Variants in MYOM1 observed in about 807,000 individuals in gnomAD.
MYOM1 encodes myomesin 1.
In MYOM1, 164 loss-of-function variants were observed where a neutral mutation model predicts 205.3. That is an observed-to-expected ratio of 0.80 (90% CI 0.70 to 0.91). The LOEUF is 0.91. Ranked by LOEUF, MYOM1 falls within the 40% of genes least tolerant of loss-of-function variation. The pLI, the probability that MYOM1 is intolerant of heterozygous loss-of-function variation, is 0.00. For synonymous variants in MYOM1, 772 were observed against 789.4 expected (o/e 0.98, Z 0.37); for missense variants, 2,011 against 2,127.3 (o/e 0.95, Z 1.08).
intron 34 of MYOM1, among the ~76,000 whole-genome samples, chr18:3,076,696 G>C (rs936782619): frequency 6.7e-6 from 1 of 150,134 alleles, no homozygotes; most frequent in African/African-American, 2.5e-5. Context: ...AAGCCACTTT[G>C]ATTAAAGATT....
At position 3,067,373 on chromosome 18, in the gene MYOM1, C is replaced by T; in HGVS notation, c.4947G>A (p.Lys1649=). The part of the protein sequence containing the change: ...ADSGKYGLVV[K]NKYGSETSDF... ...CGCTGGTCTCCGAGCCATACTTGTT[C>T]TTCACAACCAGCCCGTATTTGCCCG... Residue 1649 remains lysine (K), a synonymous_variant, in exon 38 of 38, where the codon AAG becomes AAA. Coordinates refer to ENST00000356443, the MANE Select transcript of MYOM1 (RefSeq NM_003803.4). The T allele has an allele frequency of 6.2e-7, 1 of 1,613,056 alleles. No individual in the cohort carries two copies. Among genetic ancestry groups the T allele is most frequent in the Non-Finnish European group, 8.5e-7 (1 of 1,179,908 alleles).
At chr18:3,235,905 T>A in the MYOM1 span, among the ~76,000 whole-genome samples, 1 of 152,196 alleles carries the variant, frequency 6.6e-6, no homozygotes, top group Non-Finnish European at 1.5e-5. Flanking sequence ...TAGTGAAGAA[T>A]CTGAAGAAAG....
rs183881662 is a variant in MYOM1, at chr18:3,135,618, C to T, written c.2138G>A (p.Arg713His). The T allele has an allele frequency of 4.9e-5, 79 of 1,613,858 alleles. No homozygotes were observed. Among genetic ancestry groups the T allele is most frequent in the African/African-American group, 1.7e-4 (13 of 75,008 alleles). Residue 713 changes from arginine (R) to histidine (H), a missense_variant, in exon 15 of 38, where the codon CGC (arginine) becomes CAC (histidine). Transcript: ENST00000356443. This position sits in a 1 kb window ranked among gnomAD's most constrained non-coding sequence, Gnocchi z 4.1. ...ACCAACTCCTGCAGAATTAGAACAG[C>T]GGACACGGAAACAGTAGGATTTCCC... ...AEGKSYCFRVRCSNSAGVGEP... is the reference protein window; with the variant it reads ...AEGKSYCFRVHCSNSAGVGEP...
chr18:3,067,539 C>T lies in MYOM1; in HGVS notation c.4781G>A (p.Cys1594Tyr). ...IQEGKALNLT[C>Y]NVWGDPPPEV... The stretch of plus-strand genomic sequence containing the variant: ...CGGAGGCGGGTCTCCCCACACGTTG[C>T]AAGTGAGATTAAGGGCCTGCAAGAC... Residue 1594 changes from cysteine (C) to tyrosine (Y), a missense_variant, in exon 38 of 38, where the codon TGC becomes TAC. Coordinates refer to ENST00000356443, the MANE Select transcript of MYOM1 (RefSeq NM_003803.4). 1 of 1,613,284 alleles carries T rather than the reference C, an allele frequency of 6.2e-7. No individual in the cohort carries two copies. Among genetic ancestry groups the T allele is most frequent in the Non-Finnish European group, 8.5e-7 (1 of 1,179,456 alleles).
chr18:3,128,928 C>A (rs1327028470), intron 18 of MYOM1, among the ~76,000 whole-genome samples: 1 of 152,196 alleles, frequency 6.6e-6, no homozygotes, highest in Non-Finnish European at 1.5e-5. Context: ...ACATCGAATT[C>A]TCTTAGCAAA....
chr18:3,231,534 C>CTT, the MYOM1 span, among the ~76,000 whole-genome samples: 6,200 of 120,126 alleles, frequency 0.052, 236 homozygotes, highest in Non-Finnish European at 0.062. Flanking sequence ...AATATGCATC[C>CTT]TTTTTTTTTT....
At chr18:3,199,743 G>A (rs1405164901) in intron 2 of MYOM1, among the ~76,000 whole-genome samples, 1 of 152,174 alleles carries the variant, frequency 6.6e-6, no homozygotes, top group Non-Finnish European at 1.5e-5. Context: ...TAGAGGCTGA[G>A]GCAGGAGAAT....
At chr18:3,217,530 G>A (rs1433614077) in intron 1 of MYOM1, among the ~76,000 whole-genome samples, 1 of 152,168 alleles carries the variant, frequency 6.6e-6, no homozygotes, top group Non-Finnish European at 1.5e-5. Flanking sequence ...GTGGGAAGCT[G>A]GATACATGAC....
chr18:3,105,022 T>A (rs944812868), intron 22 of MYOM1, among the ~76,000 whole-genome samples: 1 of 152,134 alleles, frequency 6.6e-6, no homozygotes, highest in African/African-American at 2.4e-5. Context: ...GTGCTGGGAT[T>A]ACAGACATGA....
intron 6 of MYOM1, 33 bp from the exon 7 acceptor site, chr18:3,174,241 T>C: frequency 1.9e-6 from 3 of 1,575,478 alleles, no homozygotes; most frequent in South Asian, 1.1e-5. Flanking sequence ...ATATCCATCG[T>C]AGTGACAATC....
the MYOM1 span, among the ~76,000 whole-genome samples, chr18:3,239,776 A>G: frequency 2.0e-5 from 3 of 150,196 alleles, no homozygotes; most frequent in African/African-American, 7.5e-5. Context: ...AAAAAAAAAA[A>G]AAAAAAAGAA....
chr18:3,082,574 A>G (rs2079096804), intron 33 of MYOM1, among the ~76,000 whole-genome samples: 1 of 152,160 alleles, frequency 6.6e-6, no homozygotes, highest in African/African-American at 2.4e-5. Context: ...CCTTCTTCTC[A>G]GTGGGGCTCC....
intron 16 of MYOM1, among the ~76,000 whole-genome samples, chr18:3,132,019 GTAT>G (rs1357694393): frequency 3.6e-5 from 5 of 137,034 alleles, no homozygotes; most frequent in Non-Finnish European, 6.3e-5. Flanking sequence ...AAAATTATTA[GTAT>G]TAATATTATT....
rs575126943 is a variant in MYOM1 at position 3,197,730 on chromosome 18, G to A, written c.291-3772C>T. Reference sequence around the variant, plus strand: ...TTACTAAAAATACAAAAAATTAGCTGGGCATGGTGGCAGGCGCCTGTGGTC... The same window carrying A: ...TTACTAAAAATACAAAAAATTAGCTAGGCATGGTGGCAGGCGCCTGTGGTC... On this transcript the variant is annotated intron_variant, in intron 2 of 37. Transcript: ENST00000356443. 6.3e-3 allele frequency among the ~76,000 whole-genome samples: 950 copies of A among 150,522 alleles called. 18 individuals are homozygous for A. The highest frequency in any genetic ancestry group is 0.021 in the African/African-American group (852 of 40,022).
At chr18:3,188,692 C>CA in intron 4 of MYOM1, 56 bp downstream of exon 4, 3 of 1,413,698 alleles carry the variant, frequency 2.1e-6, no homozygotes, top group Non-Finnish European at 2.8e-6. Context: ...CACACACACA[C>CA]CCCTTATGAC....
In MYOM1 at chr18:3,151,733, C is replaced by T. The variant is rs1304662771; in HGVS notation, c.1804G>A (p.Val602Met). 5.6e-6 allele frequency: 9 copies of T among 1,613,748 alleles called. No individual in the cohort carries two copies. Among genetic ancestry groups the T allele is most frequent in the South Asian group, 1.1e-5 (1 of 91,048 alleles). Residue 602 changes from valine (V) to methionine (M), a missense_variant, in exon 12 of 38, where the codon GTG becomes ATG. Coordinates refer to ENST00000356443, the MANE Select transcript of MYOM1 (RefSeq NM_003803.4). ...TTCTCAGCCGGATCCAGAGCAGCCA[C>T]GGGCTCGGAAACTCGAGATGGGAAA... ...IGFPSRVSEP[V>M]AALDPAEKAR...
In MYOM1 at chr18:3,209,634, G is replaced by A. The variant is rs1199243094; in HGVS notation, c.290+5300C>T. Among the ~76,000 whole-genome samples the A allele has an allele frequency of 6.6e-6, 1 of 152,168 alleles. No individual in the cohort carries two copies. The highest frequency in any genetic ancestry group is 2.4e-5 in the African/African-American group (1 of 41,452). ...ATTCCCTTGCATGGGCCTCGATGCTGTTCTGTGCTGGAAGGCCTGGCAGTG... is the reference window on the plus strand; with the variant it reads ...ATTCCCTTGCATGGGCCTCGATGCTATTCTGTGCTGGAAGGCCTGGCAGTG... On this transcript the variant is annotated intron_variant, in intron 2 of 37. Transcript: ENST00000356443. The surrounding 1 kb of genome is among the most constrained non-coding windows in gnomAD (Gnocchi z 4.0).
intron 29 of MYOM1, 75 bp downstream of exon 29, chr18:3,089,099 A>C: frequency 1.9e-6 from 2 of 1,070,188 alleles, no homozygotes; most frequent in South Asian, 3.1e-5. Context: ...AAGAGATGAA[A>C]AATTGAGCTT....
intron 23 of MYOM1, among the ~76,000 whole-genome samples, chr18:3,102,127 G>A (rs191039577): frequency 0.013 from 1,883 of 148,394 alleles, 35 homozygotes; most frequent in African/African-American, 0.044. Flanking sequence ...TCAGCCTCCC[G>A]AGTAGCTGGG....
Sources: allele counts gnomAD v4.1 joint callset (sites outside exome capture counted in the v4.1 genomes callset), GRCh38; gene constraint gnomAD v4.1.1; non-coding constraint Gnocchi (gnomAD v3.1); transcripts MANE v1.5; gene names NCBI Gene and HGNC (gene_info 2026-07-23, HGNC 2026-07-21).